DCC: variants seen among roughly 807,000 people sequenced by gnomAD.
DCC encodes netrin receptor DCC.
In DCC, 58 loss-of-function variants were observed where a neutral mutation model predicts 172.5. The ratio of observed to expected loss-of-function variants is 0.34; its 90% CI spans 0.27 to 0.42. The LOEUF (loss-of-function observed/expected upper bound fraction) is 0.42, where lower values mean the gene tolerates loss of function less well. DCC is among the 10% of genes least tolerant of loss of function. The pLI, the probability that DCC is intolerant of heterozygous loss-of-function variation, is 1.00. For missense variants in DCC, 1,740 were observed against 1,791.0 expected (o/e 0.97, Z 0.51); for synonymous variants, 709 against 644.5 (o/e 1.10, Z -1.52).
chr18:53,117,989 A>G (rs2043431271), intron 7 of DCC, among the ~76,000 whole-genome samples: 2 of 151,920 alleles, frequency 1.3e-5, no homozygotes, highest in South Asian at 4.1e-4. Flanking sequence ...TCTTCAGGTC[A>G]TCTTTACCAG....
chr18:52,971,169 T>C (rs1259297633), intron 5 of DCC, among the ~76,000 whole-genome samples: 1 of 152,132 alleles, frequency 6.6e-6, no homozygotes, highest in Non-Finnish European at 1.5e-5. Context: ...CCTTTTCTTT[T>C]TCGTTAGTGC....
At chr18:52,919,974 A>T (rs1943124) in intron 3 of DCC, among the ~76,000 whole-genome samples, 1 of 148,360 alleles carries the variant, frequency 6.7e-6, no homozygotes, top group Non-Finnish European at 1.5e-5. Flanking sequence ...GGAGAAAAAA[A>T]TCGCCTTTTC....
chr18:53,139,351 G>A (rs1160110909), intron 7 of DCC, among the ~76,000 whole-genome samples: 2 of 152,122 alleles, frequency 1.3e-5, no homozygotes, highest in Non-Finnish European at 1.5e-5. Flanking sequence ...TACTGAAAGA[G>A]GAAATGGTAA....
rs186149118 is a variant in DCC at position 53,238,833 on chromosome 18, A to G, written c.1911+23236A>G. ...TTCCTACATAAAGTGAACCCAGAGC[A>G]ATCAGACAGCTAATATTTATTGAAA... On this transcript the variant is annotated intron_variant, in intron 12 of 28. Transcript: ENST00000442544. Among the ~76,000 whole-genome samples, 1,002 of 152,280 alleles carry G rather than the reference A, an allele frequency of 6.6e-3. 8 individuals carry two copies. The highest frequency in any genetic ancestry group is 0.011 in the Non-Finnish European group (772 of 68,018).
At chr18:52,582,653 T>G (rs930728214) in intron 1 of DCC, among the ~76,000 whole-genome samples, 5 of 152,172 alleles carry the variant, frequency 3.3e-5, no homozygotes, top group Non-Finnish European at 5.9e-5. Context: ...GGGAACTAGA[T>G]AAAAGATGAC....
At chr18:52,956,476 A>C (rs970016615) in intron 5 of DCC, among the ~76,000 whole-genome samples, 1 of 152,250 alleles carries the variant, frequency 6.6e-6, no homozygotes, top group Middle Eastern at 3.4e-3. Context: ...CTTGATTACT[A>C]TAACCTTATT....
At chr18:52,557,933 T>C (rs1169013673) in intron 1 of DCC, among the ~76,000 whole-genome samples, 1 of 152,230 alleles carries the variant, frequency 6.6e-6, no homozygotes, top group Non-Finnish European at 1.5e-5. Flanking sequence ...AGTTCTGAGA[T>C]TACAAACGTG....
chr18:53,459,569 T>A (rs561821047), intron 24 of DCC, 111 bp downstream of exon 24: 1 of 750,700 alleles, frequency 1.3e-6, no homozygotes, highest in East Asian at 2.6e-5. Context: ...TCATTATGGG[T>A]CATTTATCAA....
intron 15 of DCC, among the ~76,000 whole-genome samples, chr18:53,370,790 G>A (rs2058053305): frequency 6.6e-6 from 1 of 151,760 alleles, no homozygotes; most frequent in African/African-American, 2.4e-5. Context: ...GCCTATCCTG[G>A]AAAATGGGAA....
chr18:52,529,016 A>C (rs1462838756), intron 1 of DCC, among the ~76,000 whole-genome samples: 1 of 152,084 alleles, frequency 6.6e-6, no homozygotes, highest in Non-Finnish European at 1.5e-5. Flanking sequence ...GAGGCTGGGG[A>C]CTTTCTAAGT....
At chr18:52,519,902 A>C (rs1144055) in intron 1 of DCC, among the ~76,000 whole-genome samples, 47,896 of 152,008 alleles carry the variant, frequency 0.32, 7,702 homozygotes, top group African/African-American at 0.35. Flanking sequence ...AAAAAGATGG[A>C]CTGGAGGACA....
At chr18:53,308,463 AT>A (rs1568045717) in intron 13 of DCC, among the ~76,000 whole-genome samples, 32 of 147,480 alleles carry the variant, frequency 2.2e-4, no homozygotes, top group Admixed American at 6.8e-4. Context: ...TAAGTTAAAA[AT>A]ATTACAATTT....
intron 2 of DCC, among the ~76,000 whole-genome samples, chr18:52,838,410 C>T (rs1470588071): frequency 6.6e-6 from 1 of 151,968 alleles, no homozygotes; most frequent in Non-Finnish European, 1.5e-5. Context: ...CAGGATAATA[C>T]TTGCATGTAT....
chr18:52,941,021 C>A (rs2040453175), intron 5 of DCC: 1 of 151,964 alleles, frequency 6.6e-6, no homozygotes, highest in African/African-American at 2.4e-5. Context: ...ATAGTAAGAC[C>A]AGATGAGAAA....
At chr18:52,938,380 A>T (rs1232907873) in intron 5 of DCC, among the ~76,000 whole-genome samples, 2 of 152,184 alleles carry the variant, frequency 1.3e-5, no homozygotes, top group African/African-American at 4.8e-5. Flanking sequence ...GATGTCTGGT[A>T]GTGGCAATAA....
chr18:52,450,932 G>T (rs1180235907), intron 1 of DCC, among the ~76,000 whole-genome samples: 11 of 152,142 alleles, frequency 7.2e-5, no homozygotes, highest in Non-Finnish European at 1.6e-4. Context: ...TTATCTGATT[G>T]TATTTTAGAA....
At chr18:52,367,808 G>A (rs1359997164) in intron 1 of DCC, among the ~76,000 whole-genome samples, 9 of 152,316 alleles carry the variant, frequency 5.9e-5, no homozygotes, top group African/African-American at 2.2e-4. Flanking sequence ...AGTTGAAATT[G>A]GCTGTACATA....
chr18:53,428,055 AATG>A lies in DCC; in HGVS notation c.3164-7088_3164-7086del, dbSNP rs1911140100. ...ATATCATATAATAATATATTATAAT[AATG>A]TGTCATATATCATATAATATATTAT... On this transcript the variant is annotated intron_variant, in intron 21 of 28. Transcript: ENST00000442544. Among the ~76,000 whole-genome samples the A allele has an allele frequency of 5.2e-5, 2 of 38,328 alleles. 1 individual carries two copies. Among genetic ancestry groups the A allele is most frequent in the Admixed American group, 7.8e-4 (2 of 2,554 alleles). 25.1% of individuals were successfully genotyped at this position (38,328 alleles called of 152,430 possible).
chr18:52,423,048 C>T (rs929960227), intron 1 of DCC, among the ~76,000 whole-genome samples: 1 of 152,112 alleles, frequency 6.6e-6, no homozygotes, highest in South Asian at 2.1e-4. Flanking sequence ...TCATCTTAAT[C>T]CTTTAACCTC....
Sources: gnomAD v4.1 joint callset for allele counts (sites outside exome capture counted in the v4.1 genomes callset) on GRCh38, gnomAD v4.1.1 for gene constraint, MANE v1.5 for transcripts, NCBI Gene and HGNC (gene_info 2026-07-23, HGNC 2026-07-21) for gene names.